Variants in RYR2 observed in about 807,000 individuals in gnomAD.
RYR2 encodes the protein cardiac muscle ryanodine receptor-calcium release channel.
Under a neutral mutation model 601.1 loss-of-function variants are expected in RYR2, and 227 were observed. That is an observed-to-expected ratio of 0.38 (90% CI 0.34 to 0.42). RYR2 has a LOEUF of 0.42. Ranked by LOEUF, RYR2 falls within the 10% of genes least tolerant of loss-of-function variation. The pLI, the probability that RYR2 is intolerant of heterozygous loss-of-function variation, is 1.00. For synonymous variants in RYR2, 2,223 were observed against 2,175.1 expected (o/e 1.02, Z -0.61); for missense variants, 4,646 against 6,156.5 (o/e 0.75, Z 8.21).
intron 23 of RYR2, among the ~76,000 whole-genome samples, chr1:237,510,134 A>G (rs1024315827): frequency 6.6e-6 from 1 of 152,242 alleles, no homozygotes; most frequent in African/African-American, 2.4e-5. Flanking sequence ...GTGGAAAAGC[A>G]GAGAGCCTGG....
At chr1:237,802,870 T>C (rs1339424768) in intron 98 of RYR2, among the ~76,000 whole-genome samples, 3 of 152,226 alleles carry the variant, frequency 2.0e-5, no homozygotes, top group Non-Finnish European at 2.9e-5. Flanking sequence ...CTTTGTAGTT[T>C]TTTTGTCCTC....
At chr1:237,193,165 T>TGCAAAAAAAAAAAAA (rs1402978522) in intron 1 of RYR2, among the ~76,000 whole-genome samples, 199 of 2,652 alleles carry the variant, frequency 0.075, 3 homozygotes, top group African/African-American at 0.13. Context: ...CTGCTAAAAG[T>TGCAAAAAAAAAAAAA]ACAAAAAAAA....
At chr1:237,143,118 A>G (rs1673573227) in intron 1 of RYR2, among the ~76,000 whole-genome samples, 1 of 152,212 alleles carries the variant, frequency 6.6e-6, no homozygotes, top group African/African-American at 2.4e-5. Context: ...TTGCCAGGGC[A>G]CAAAAGTACC....
Position 237,566,713 on chromosome 1 carries a change from G to C in RYR2, c.3361G>C (p.Gly1121Arg), listed in dbSNP as rs199682282. The C allele has an allele frequency of 9.9e-6, 16 of 1,613,824 alleles. No individual in the cohort carries two copies. In the African/African-American group the frequency reaches 1.1e-4, roughly 11 times the overall value. The stretch of plus-strand genomic sequence containing the variant: ...CATGAGGGTTGGTTGGAGTCGTCCT[G>C]GTTGTCAACCGGATCAGGAGCTTGG... ...GDMRVGWSRP[G>R]CQPDQELGSD... The change falls in exon 28 of 105, where the codon GGT (glycine) becomes CGT (arginine). Residue 1121 changes from glycine to arginine, a missense_variant. This residue lies in a region of RYR2 where 1,807 missense variants were observed against 2,088.1 expected (regional missense o/e 0.87). Coordinates refer to ENST00000366574, the MANE Select transcript of RYR2 (RefSeq NM_001035.3).
intron 4 of RYR2, among the ~76,000 whole-genome samples, chr1:237,358,147 T>C (rs1342618910): frequency 6.6e-6 from 1 of 152,138 alleles, no homozygotes; most frequent in Non-Finnish European, 1.5e-5. Flanking sequence ...CCCCTTGAGT[T>C]AAATTAGAAC....
At chr1:237,651,689 A>G (rs1682745425) in intron 51 of RYR2, among the ~76,000 whole-genome samples, 188 bp downstream of exon 51, 2 of 152,348 alleles carry the variant, frequency 1.3e-5, no homozygotes, top group Admixed American at 6.5e-5. Flanking sequence ...ATAAGATTAT[A>G]GAAATCTTAA....
At position 237,215,145 on chromosome 1, in the gene RYR2, G is replaced by A. The variant is rs116376258; in HGVS notation, c.49-55352G>A. On this transcript the variant is annotated intron_variant, in intron 1 of 104. Coordinates refer to ENST00000366574, the MANE Select transcript of RYR2 (RefSeq NM_001035.3). The stretch of plus-strand genomic sequence containing the variant: ...CTAAGAATTGAGCCAGGAATCCCAG[G>A]GTAAAGCAACCTTGAAATTTGTTTT... 2.2e-3 allele frequency among the ~76,000 whole-genome samples: 338 copies of A among 152,222 alleles called. 1 individual carries two copies. The highest frequency in any genetic ancestry group is 7.8e-3 in the African/African-American group (325 of 41,544).
At chr1:237,456,832 T>C (rs1658890397) in intron 16 of RYR2, 97 bp downstream of exon 16, 1 of 1,368,048 alleles carries the variant, frequency 7.3e-7, no homozygotes, top group Non-Finnish European at 9.8e-7. Flanking sequence ...ATTCCAGCAA[T>C]TTGGGAGGCT....
At chr1:237,465,188 C>T (rs1043432000) in intron 16 of RYR2, among the ~76,000 whole-genome samples, 5 of 151,692 alleles carry the variant, frequency 3.3e-5, no homozygotes, top group East Asian at 1.9e-4. Flanking sequence ...TATATATTTT[C>T]GTAGTATATT....
At chr1:237,574,589 C>G (rs1673039499) in intron 29 of RYR2, among the ~76,000 whole-genome samples, 1 of 152,088 alleles carries the variant, frequency 6.6e-6, no homozygotes, top group Admixed American at 6.5e-5. Flanking sequence ...TTCCTGAAGT[C>G]AGAGAGATAC....
rs1572362036 is a variant in RYR2 at position 237,445,530 on chromosome 1, T to C, written c.1292+8T>C. On this transcript the variant is annotated splice_region_variant and intron_variant, in intron 14 of 104. Coordinates refer to ENST00000366574, the MANE Select transcript of RYR2 (RefSeq NM_001035.3). ...TTTCAATAGATTTATAAGGTACTTT[T>C]TCTTTTGTAGGCGTAGTTGTTTGAT... 2 of 1,613,278 alleles carry C rather than the reference T, an allele frequency of 1.2e-6. No individual in the cohort carries two copies. Among genetic ancestry groups the C allele is most frequent in the Non-Finnish European group, 1.7e-6 (2 of 1,179,464 alleles).
At chr1:237,299,832 T>G (rs556028884) in intron 2 of RYR2, among the ~76,000 whole-genome samples, 1 of 152,320 alleles carries the variant, frequency 6.6e-6, no homozygotes, top group East Asian at 1.9e-4. Flanking sequence ...ATCCCGGAGA[T>G]GCTGACAAAT....
intron 27 of RYR2, among the ~76,000 whole-genome samples, chr1:237,561,705 A>G (rs1478106859): frequency 6.6e-6 from 1 of 152,204 alleles, no homozygotes; most frequent in Non-Finnish European, 1.5e-5. Flanking sequence ...AGAAATGTGG[A>G]TAAATTTGTA....
intron 100 of RYR2, among the ~76,000 whole-genome samples, chr1:237,810,431 A>G (rs979586891): frequency 1.3e-5 from 2 of 152,216 alleles, no homozygotes; most frequent in African/African-American, 4.8e-5. Context: ...AACACTTTTT[A>G]CCTATCAGGT....
chr1:237,791,922 A>G (rs749580344), intron 93 of RYR2, 183 bp from the exon 94 acceptor site: 10 of 599,460 alleles, frequency 1.7e-5, no homozygotes, highest in Admixed American at 5.9e-5. Flanking sequence ...TTTTAAAAGT[A>G]TGTTCATTAC....
chr1:237,050,286 G>A (rs1661092662), intron 1 of RYR2, among the ~76,000 whole-genome samples: 1 of 152,194 alleles, frequency 6.6e-6, no homozygotes, highest in East Asian at 1.9e-4. Flanking sequence ...AGATGCAGAA[G>A]AAAGCGAGTG....
chr1:237,587,503 G>A (rs1445395878), intron 29 of RYR2, among the ~76,000 whole-genome samples: 1 of 151,960 alleles, frequency 6.6e-6, no homozygotes, highest in East Asian at 1.9e-4. Context: ...CCCTGCTGCT[G>A]TTTTCCTATT....
Position 237,395,533 on chromosome 1 carries a change from C to CTTTTTTTTT in RYR2, c.773+7373_773+7381dup, listed in dbSNP as rs71180022. On this transcript the variant is annotated intron_variant, in intron 10 of 104. Transcript: ENST00000366574. ...AGGACACGTCCGCTAGTAGGACTGT[C>CTTTTTTTTT]TTTTTTTTTTTTTTTTTTTTTTTTT... Among the ~76,000 whole-genome samples, 173 of 87,426 alleles carry CTTTTTTTTT rather than the reference C, an allele frequency of 2.0e-3. 7 individuals carry two copies. Among genetic ancestry groups the CTTTTTTTTT allele is most frequent in the Non-Finnish European group, 3.0e-3 (138 of 46,738 alleles). 57.4% of individuals were successfully genotyped at this position (87,426 alleles called of 152,430 possible). A position where few individuals can be genotyped will look rare whatever the true frequency, so the allele number is the denominator to read the frequency against.
At chr1:237,202,808 C>T (rs911236033) in intron 1 of RYR2, among the ~76,000 whole-genome samples, 1 of 152,146 alleles carries the variant, frequency 6.6e-6, no homozygotes, top group Non-Finnish European at 1.5e-5. Context: ...CTTCCTCAGC[C>T]GTTTCCTCTG....
Sources: allele counts gnomAD v4.1 joint callset (sites outside exome capture counted in the v4.1 genomes callset), GRCh38; gene constraint gnomAD v4.1.1; regional missense constraint gnomAD v4.1.1; transcripts MANE v1.5; gene names NCBI Gene and HGNC (gene_info 2026-07-23, HGNC 2026-07-21).